ZNF680: variants seen among roughly 807,000 people sequenced by gnomAD.
ZNF680 encodes the protein hypothetical protein FLJ90430.
Under a neutral mutation model 12.1 loss-of-function variants are expected in ZNF680, and 6 were observed. The ratio of observed to expected loss-of-function variants is 0.49; its 90% confidence interval spans 0.27 to 0.98. The LOEUF (loss-of-function observed/expected upper bound fraction) is 0.98, where lower values mean the gene tolerates loss of function less well. Ranked by LOEUF, ZNF680 falls within the 50% of genes least tolerant of loss-of-function variation. The pLI, the probability that ZNF680 is intolerant of heterozygous loss-of-function variation, is 0.12. For synonymous variants in ZNF680, 170 were observed against 199.3 expected, an observed-to-expected ratio of 0.85 and a Z score of 1.24; for missense variants, 561 against 616.3, an observed-to-expected ratio of 0.91 and a Z score of 0.95.
At chr7:64,502,668 T>C in the ZNF680 span, among the ~76,000 whole-genome samples, 1 of 152,194 alleles carries the variant, frequency 6.6e-6, no homozygotes, top group Non-Finnish European at 1.5e-5. Context: ...AATAAACAAG[T>C]CTTTATTAAA....
chr7:64,509,963 C>T, the ZNF680 span, among the ~76,000 whole-genome samples: 1 of 148,808 alleles, frequency 6.7e-6, no homozygotes, highest in Non-Finnish European at 1.5e-5. Context: ...AGACCATCTG[C>T]AGTCTATACT....
chr7:64,502,694 A>G, the ZNF680 span, among the ~76,000 whole-genome samples: 4 of 152,112 alleles, frequency 2.6e-5, no homozygotes, highest in Non-Finnish European at 4.4e-5. Context: ...AATTTGGGGG[A>G]AAAAAACAGT....
intron 2 of ZNF680, 43 bp downstream of exon 2, chr7:64,544,263 C>T: frequency 6.3e-7 from 1 of 1,575,362 alleles, no homozygotes; most frequent in Non-Finnish European, 8.6e-7. Context: ...AGAAATAAAA[C>T]CTTTAGGGCA....
At chr7:64,534,503 G>A (rs565847987) in intron 3 of ZNF680, among the ~76,000 whole-genome samples, 4 of 152,190 alleles carry the variant, frequency 2.6e-5, no homozygotes, top group South Asian at 2.1e-4. Flanking sequence ...TCAAAAAATC[G>A]TAAAACAGTA....
At chr7:64,517,410 C>T (rs141203653), downstream of ZNF680, among the ~76,000 whole-genome samples, 12 of 152,038 alleles carry the variant, frequency 7.9e-5, no homozygotes, top group East Asian at 2.3e-3. Flanking sequence ...AAATCAGAAA[C>T]CCTGAACAGA....
the ZNF680 span, chr7:64,501,281 T>C: frequency 2.0e-6 from 2 of 1,003,078 alleles, no homozygotes; most frequent in Non-Finnish European, 3.2e-6. Flanking sequence ...TAGGCTGTAG[T>C]GCCCTCGAAA....
At chr7:64,531,862 G>C (rs938643728) in intron 3 of ZNF680, among the ~76,000 whole-genome samples, 2 of 151,976 alleles carry the variant, frequency 1.3e-5, no homozygotes, top group African/African-American at 4.8e-5. Context: ...AACTGAGACT[G>C]TAAGGTCACA....
chr7:64,516,574 CAATAAAGAA>C (rs577290975), downstream of ZNF680, among the ~76,000 whole-genome samples: 1 of 152,212 alleles, frequency 6.6e-6, no homozygotes, highest in African/African-American at 2.4e-5. Context: ...GATAGAAAGT[CAATAAAGAA>C]AAAACGGATT....
the ZNF680 span, among the ~76,000 whole-genome samples, chr7:64,508,423 G>A: frequency 6.6e-6 from 1 of 151,964 alleles, no homozygotes; most frequent in Non-Finnish European, 1.5e-5. Flanking sequence ...ATTAACATGG[G>A]TTACGAACTA....
chr7:64,513,540 G>A, the ZNF680 span, among the ~76,000 whole-genome samples: 1 of 151,846 alleles, frequency 6.6e-6, no homozygotes. Flanking sequence ...CTCACCTCAT[G>A]GTCTAATTAG....
At chr7:64,499,500 G>C in the ZNF680 span, among the ~76,000 whole-genome samples, 1 of 152,230 alleles carries the variant, frequency 6.6e-6, no homozygotes, top group Non-Finnish European at 1.5e-5. Context: ...GCTGACGCCT[G>C]TAATCCCAAC....
At position 64,553,276 on chromosome 7, in the gene ZNF680, AAT is replaced by A. The variant is rs143689317; in HGVS notation, c.31-8846_31-8845del. 5.6e-3 allele frequency among the ~76,000 whole-genome samples: 848 copies of A among 152,360 alleles called. 8 individuals carry two copies. Among genetic ancestry groups the A allele is most frequent in the African/African-American group, 0.018 (767 of 41,582 alleles). ...TCGTTTATTTAGCTACACCTAGATT[AAT>A]ATGATTTATATGATTTACATATATT... is the stretch of plus-strand genomic sequence containing the variant. On this transcript the variant is annotated intron_variant, in intron 1 of 3. Transcript: ENST00000309683.
chr7:64,511,223 T>C, the ZNF680 span, among the ~76,000 whole-genome samples: 3 of 151,986 alleles, frequency 2.0e-5, no homozygotes, highest in South Asian at 6.2e-4. Flanking sequence ...TGAGCCAAGA[T>C]TGGGCCACTG....
Position 64,524,926 on chromosome 7 carries a change from T to C in ZNF680, c.254-2426A>G, listed in dbSNP as rs1584352500. 2.0e-5 allele frequency: 3 copies of C among 152,158 alleles called. No homozygotes were observed. The East Asian group carries it at 5.8e-4, about 29-fold the overall frequency. 9.4% of individuals were successfully genotyped at this position (152,158 alleles called of 1,614,324 possible). ...TAAAACAATACACTCTTGAGCATGC[T>C]TGTTGAAATGTTAAAATAATTAATC... On this transcript the variant is annotated intron_variant, in intron 3 of 3. Coordinates refer to ENST00000309683, the MANE Select transcript of ZNF680 (RefSeq NM_178558.5).
chr7:64,533,293 G>A (rs1785984960), intron 3 of ZNF680, among the ~76,000 whole-genome samples: 5 of 152,038 alleles, frequency 3.3e-5, no homozygotes, highest in Admixed American at 3.3e-4. Flanking sequence ...AAAACTCCTA[G>A]AACTGATAAA....
At chr7:64,505,417 T>A in the ZNF680 span, among the ~76,000 whole-genome samples, 1 of 152,226 alleles carries the variant, frequency 6.6e-6, no homozygotes, top group East Asian at 1.9e-4. Flanking sequence ...GTATTTCAAT[T>A]GTAAAAACTA....
intron 3 of ZNF680, among the ~76,000 whole-genome samples, chr7:64,542,782 T>G (rs894409712): frequency 2.0e-5 from 3 of 152,190 alleles, no homozygotes; most frequent in Non-Finnish European, 4.4e-5. Context: ...CACTGCAGCC[T>G]CCACCTCCTG....
At chr7:64,545,220 C>T (rs575393454) in intron 1 of ZNF680, among the ~76,000 whole-genome samples, 16 of 143,426 alleles carry the variant, frequency 1.1e-4, no homozygotes, top group South Asian at 4.5e-4. Flanking sequence ...ACTGAGACTG[C>T]GCCAGTGCAT....
chr7:64,501,195 C>A, the ZNF680 span: 3 of 866,968 alleles, frequency 3.5e-6, no homozygotes, highest in African/African-American at 3.3e-5. Context: ...TTGACTTGGA[C>A]TATGACTTTC....
Sources: gnomAD v4.1 joint callset for allele counts (sites outside exome capture counted in the v4.1 genomes callset) on GRCh38, gnomAD v4.1.1 for gene constraint, MANE v1.5 for transcripts, NCBI Gene and HGNC (gene_info 2026-07-23, HGNC 2026-07-21) for gene names.